Variants in ROBO1 observed in about 807,000 individuals in gnomAD.
ROBO1 encodes roundabout homolog 1.
Under a neutral mutation model 195.9 loss-of-function variants are expected in ROBO1, and 149 were observed. The ratio of observed to expected loss-of-function variants is 0.76; its 90% CI spans 0.67 to 0.87. The LOEUF is 0.87. ROBO1 is among the 40% of genes least tolerant of loss of function. ROBO1 has a pLI of 0.00. For missense variants in ROBO1, 1,933 were observed against 2,068.3 expected (o/e 0.93, Z 1.27); for synonymous variants, 816 against 733.2 (o/e 1.11, Z -1.82).
intron 4 of ROBO1, among the ~76,000 whole-genome samples, chr3:78,847,028 T>C (rs1398746640): frequency 6.6e-6 from 1 of 152,158 alleles, no homozygotes; most frequent in Non-Finnish European, 1.5e-5. Context: ...GATAATGCTG[T>C]GTCTCAGCTT....
intron 2 of ROBO1, among the ~76,000 whole-genome samples, chr3:79,358,091 T>A (rs1284729135): frequency 6.6e-6 from 1 of 152,126 alleles, no homozygotes; most frequent in African/African-American, 2.4e-5. Flanking sequence ...AAATTCTGGC[T>A]TCGTCACTTA....
At chr3:78,726,342 T>C (rs997449382) in intron 5 of ROBO1, among the ~76,000 whole-genome samples, 2 of 152,194 alleles carry the variant, frequency 1.3e-5, no homozygotes, top group Admixed American at 6.5e-5. Context: ...TAAGAAATTA[T>C]GCAGTACTAA....
chr3:78,969,264 C>A (rs1287349701), intron 3 of ROBO1, among the ~76,000 whole-genome samples: 1 of 152,184 alleles, frequency 6.6e-6, no homozygotes, highest in Non-Finnish European at 1.5e-5. Context: ...AAACCTATAA[C>A]TACTATCAAC....
intron 2 of ROBO1, among the ~76,000 whole-genome samples, chr3:79,536,788 G>A (rs1323554473): frequency 1.3e-5 from 2 of 152,052 alleles, no homozygotes; most frequent in East Asian, 1.9e-4. Context: ...AAAAAGTATA[G>A]GACATAAGGT....
chr3:79,050,383 C>A (rs1445909609), intron 3 of ROBO1, among the ~76,000 whole-genome samples: 2 of 152,076 alleles, frequency 1.3e-5, no homozygotes, highest in Admixed American at 6.6e-5. Flanking sequence ...TACAGAAGCA[C>A]CCAGATTCAT....
At chr3:79,328,770 C>T (rs1382517885) in intron 2 of ROBO1, among the ~76,000 whole-genome samples, 1 of 151,952 alleles carries the variant, frequency 6.6e-6, no homozygotes, top group Non-Finnish European at 1.5e-5. Context: ...TTATCCCTCA[C>T]CCTCTCCCAC....
At chr3:79,454,011 G>A (rs190266145) in intron 2 of ROBO1, among the ~76,000 whole-genome samples, 2 of 152,158 alleles carry the variant, frequency 1.3e-5, no homozygotes, top group Non-Finnish European at 2.9e-5. Context: ...ATAAGTAGGA[G>A]TGTGTTACTG....
intron 1 of ROBO1, among the ~76,000 whole-genome samples, chr3:79,618,744 T>G (rs62258648): frequency 0.3 from 44,970 of 152,030 alleles, 8,264 homozygotes; most frequent in African/African-American, 0.52. Context: ...CCTCACTCCA[T>G]GAGGAGATCC....
chr3:79,000,821 C>T (rs976971936), intron 3 of ROBO1, among the ~76,000 whole-genome samples: 55 of 152,238 alleles, frequency 3.6e-4, no homozygotes, highest in Admixed American at 3.5e-3. Context: ...CACATGCACA[C>T]GTATGTTTAC....
chr3:78,937,378 A>G (rs897125168), intron 4 of ROBO1, among the ~76,000 whole-genome samples: 3 of 151,944 alleles, frequency 2.0e-5, no homozygotes, highest in Non-Finnish European at 4.4e-5. Context: ...ATATATTAAC[A>G]TATCAATTAT....
At chr3:79,652,095 T>C (rs1375682119) in intron 1 of ROBO1, among the ~76,000 whole-genome samples, 2 of 152,044 alleles carry the variant, frequency 1.3e-5, no homozygotes, top group Non-Finnish European at 2.9e-5. Context: ...TAATTTATTA[T>C]TGTTTTATTT....
intron 1 of ROBO1, among the ~76,000 whole-genome samples, chr3:79,702,071 CAAAT>C (rs147034175): frequency 0.28 from 43,017 of 151,328 alleles, 7,100 homozygotes; most frequent in African/African-American, 0.47. Flanking sequence ...ATATTGCACA[CAAAT>C]AAAACTAAAT....
chr3:79,148,419 G>A (rs2080698211), intron 2 of ROBO1, among the ~76,000 whole-genome samples: 1 of 151,716 alleles, frequency 6.6e-6, no homozygotes, highest in Non-Finnish European at 1.5e-5. Context: ...AGAGTTCGAG[G>A]CCAGCCTAGG....
chr3:79,418,431 A>G (rs2038094899), intron 2 of ROBO1, among the ~76,000 whole-genome samples: 1 of 152,120 alleles, frequency 6.6e-6, no homozygotes, highest in South Asian at 2.1e-4. Context: ...GTAAAAATGA[A>G]TTTATTGTGT....
At position 78,617,622 on chromosome 3, in the gene ROBO1, T is replaced by A. The variant is rs550372151; in HGVS notation, c.4282+13A>T. 1.6e-5 allele frequency: 25 copies of A among 1,596,038 alleles called. No individual in the cohort carries two copies. In the African/African-American group the frequency reaches 2.1e-4, roughly 14 times the overall value. ...TTTTCTTTCCCAGCTTGGTGAAAAGTGTTAGGACTCACCAGCAGCATCCTG... is the reference window on the plus strand; with the variant it reads ...TTTTCTTTCCCAGCTTGGTGAAAAGAGTTAGGACTCACCAGCAGCATCCTG... On this transcript the variant is annotated intron_variant, in intron 27 of 30. Transcript: ENST00000464233.
chr3:79,269,987 G>A (rs2030371791), intron 2 of ROBO1, among the ~76,000 whole-genome samples: 1 of 151,762 alleles, frequency 6.6e-6, no homozygotes, highest in Non-Finnish European at 1.5e-5. Context: ...AAAATCACTT[G>A]CAGTAAAGAT....
At chr3:79,664,683 G>A (rs970631020) in intron 1 of ROBO1, among the ~76,000 whole-genome samples, 9 of 151,936 alleles carry the variant, frequency 5.9e-5, no homozygotes, top group African/African-American at 2.2e-4. Flanking sequence ...GAGAAGGCAC[G>A]ATCCCATTCA....
In ROBO1 at chr3:78,657,334, AG is replaced by A. The variant is rs1575856035; in HGVS notation, c.2443-66del. 3.2e-6 allele frequency: 5 copies of A among 1,545,640 alleles called. No homozygotes were observed. The South Asian group carries it at 4.9e-5, about 15-fold the overall frequency. ...CCTAAATGAATGCAAAGATCAACAC[AG>A]GGTTGCAGTTTTAGACCCAGACAGA... On this transcript the variant is annotated intron_variant, in intron 17 of 30. Coordinates refer to ENST00000464233, the MANE Select transcript of ROBO1 (RefSeq NM_002941.4).
At chr3:79,277,554 G>A (rs1034836378) in intron 2 of ROBO1, among the ~76,000 whole-genome samples, 1 of 151,980 alleles carries the variant, frequency 6.6e-6, no homozygotes, top group Non-Finnish European at 1.5e-5. Flanking sequence ...ATAAGATCTA[G>A]CATTTGAATG....
Sources: gnomAD v4.1 joint callset for allele counts (sites outside exome capture counted in the v4.1 genomes callset) on GRCh38, gnomAD v4.1.1 for gene constraint, MANE v1.5 for transcripts, NCBI Gene and HGNC (gene_info 2026-07-23, HGNC 2026-07-21) for gene names.